The following RNF144A variants were observed in gnomAD, a reference collection of about 807,000 sequenced individuals.
RNF144A encodes E3 ubiquitin-protein ligase RNF144A.
RNF144A carries 11 observed loss-of-function variants against 38.7 expected under a neutral mutation model. The observed-to-expected ratio is 0.28, with a 90% confidence interval of 0.18 to 0.47. The LOEUF (loss-of-function observed/expected upper bound fraction) is 0.47, where lower values mean the gene tolerates loss of function less well. RNF144A is among the 20% of genes least tolerant of loss of function. The pLI is 0.99. For missense variants in RNF144A, 316 were observed against 377.2 expected, an observed-to-expected ratio of 0.84 and a Z score of 1.34; for synonymous variants, 149 against 143.9, an observed-to-expected ratio of 1.04 and a Z score of -0.25.
rs901027835 is a variant in RNF144A at position 7,044,015 on chromosome 2, G to A, written c.*4255G>A. 4 of 985,576 alleles carry A rather than the reference G, an allele frequency of 4.1e-6. No homozygotes were observed. The African/African-American group carries it at 7.0e-5, about 17-fold the overall frequency. 61.1% of individuals were successfully genotyped at this position (985,576 alleles called of 1,614,324 possible). On this transcript the variant is annotated 3_prime_UTR_variant, in exon 9 of 9. Coordinates refer to ENST00000320892, the MANE Select transcript of RNF144A (RefSeq NM_014746.6). ...TGATGTATAAAAGAGCTGTTTGAAT[G>A]CCTTTTAATGTTGTGTTTTGTACTC...
chr2:6,939,830 G>A (rs949214730), intron 1 of RNF144A, among the ~76,000 whole-genome samples: 2 of 151,472 alleles, frequency 1.3e-5, no homozygotes, highest in African/African-American at 4.8e-5. Context: ...CCATTGAAAT[G>A]TCATGATACT....
At chr2:6,995,668 C>T (rs1669689182) in intron 2 of RNF144A, among the ~76,000 whole-genome samples, 2 of 152,218 alleles carry the variant, frequency 1.3e-5, no homozygotes, top group African/African-American at 4.8e-5. Flanking sequence ...TTCAGCCAGT[C>T]CAGTCTTTCC....
At position 7,044,024 on chromosome 2, in the gene RNF144A, T is replaced by C. The variant is rs1457583532; in HGVS notation, c.*4264T>C. 2 of 985,688 alleles carry C rather than the reference T, an allele frequency of 2.0e-6. No homozygotes were observed. Among genetic ancestry groups the C allele is most frequent in the Admixed American group, 1.2e-4 (2 of 16,276 alleles). 61.1% of individuals were successfully genotyped at this position (985,688 alleles called of 1,614,324 possible). A position where few individuals can be genotyped will look rare whatever the true frequency, so the allele number is the denominator to read the frequency against. On this transcript the variant is annotated 3_prime_UTR_variant, in exon 9 of 9. Transcript: ENST00000320892. ...AAAGAGCTGTTTGAATGCCTTTTAA[T>C]GTTGTGTTTTGTACTCTGGAATCAT...
chr2:6,949,134 G>A (rs1186544868), intron 2 of RNF144A, among the ~76,000 whole-genome samples: 1 of 152,176 alleles, frequency 6.6e-6, no homozygotes, highest in Non-Finnish European at 1.5e-5. Context: ...GCCCAAGAGA[G>A]TGTAATATTA....
intron 8 of RNF144A, among the ~76,000 whole-genome samples, chr2:7,039,402 G>A (rs950012673): frequency 4.2e-4 from 64 of 151,576 alleles, no homozygotes; most frequent in Admixed American, 8.5e-4. Flanking sequence ...TAGATGGATG[G>A]ATGGATAGAT....
At chr2:6,937,295 G>A (rs1665655142) in intron 1 of RNF144A, among the ~76,000 whole-genome samples, 1 of 152,226 alleles carries the variant, frequency 6.6e-6, no homozygotes, top group African/African-American at 2.4e-5. Context: ...AGAAAATGCG[G>A]ATGCCAGTCA....
At chr2:6,919,876 G>T (rs1187947108) in intron 1 of RNF144A, among the ~76,000 whole-genome samples, 1 of 152,204 alleles carries the variant, frequency 6.6e-6, no homozygotes, top group Non-Finnish European at 1.5e-5. Flanking sequence ...GCACCCCCAG[G>T]TCATCTGTGC....
chr2:7,026,927 A>T (rs1033338527), intron 7 of RNF144A, among the ~76,000 whole-genome samples: 1 of 152,206 alleles, frequency 6.6e-6, no homozygotes, highest in Non-Finnish European at 1.5e-5. Context: ...TTCTTTGTAC[A>T]TGAAGAAAAA....
chr2:7,074,790 A>G, the RNF144A span: 2 of 153,986 alleles, frequency 1.3e-5, no homozygotes, highest in South Asian at 2.1e-4. Context: ...GAAGGAAGGA[A>G]GGAAAAAAGG....
In RNF144A at chr2:7,041,670, CTGCCCTTTAACA is replaced by C. The variant is rs1673052341; in HGVS notation, c.*1916_*1927del. 1.0e-6 allele frequency: 1 copy of C among 985,418 alleles called. No homozygotes were observed. The highest frequency in any genetic ancestry group is 1.7e-5 in the African/African-American group (1 of 57,242). The allele number at this position is 985,418 out of a possible 1,614,324, so 61.0% of individuals were successfully genotyped here. A position where few individuals can be genotyped will look rare whatever the true frequency, so the allele number is the denominator to read the frequency against. On this transcript the variant is annotated 3_prime_UTR_variant, in exon 9 of 9. Transcript: ENST00000320892. The stretch of plus-strand genomic sequence containing the variant: ...ATATGTGGATGCAGCTGTCCAGCCA[CTGCCCTTTAACA>C]TGCCCAGCACACATGGGAGGCCTGT...
intron 2 of RNF144A, among the ~76,000 whole-genome samples, chr2:6,970,838 T>TG (rs1369611438): frequency 6.6e-6 from 1 of 152,216 alleles, no homozygotes; most frequent in Non-Finnish European, 1.5e-5. Flanking sequence ...TCCAGTGGCC[T>TG]AGTCCTTCCT....
rs570761772 is a variant in RNF144A at position 6,987,316 on chromosome 2, G to A, written c.-11-9600G>A. On this transcript the variant is annotated intron_variant, in intron 2 of 8. Coordinates refer to ENST00000320892, the MANE Select transcript of RNF144A (RefSeq NM_014746.6). ...AAGGAGGCGTCTCGGGGCCACACCC[G>A]GGGCAGTGTTGGATGCTTCTCTAAG... Among the ~76,000 whole-genome samples the A allele has an allele frequency of 3.9e-5, 6 of 152,284 alleles. No individual in the cohort carries two copies. The South Asian group carries it at 6.2e-4, about 16-fold the overall frequency.
intron 6 of RNF144A, among the ~76,000 whole-genome samples, chr2:7,060,293 C>T (rs1359724481): frequency 1.3e-5 from 2 of 151,300 alleles, no homozygotes; most frequent in Non-Finnish European, 2.9e-5. Flanking sequence ...TCTAAGGTTT[C>T]CAGATGGATT....
chr2:7,027,958 T>C (rs1672024492), intron 7 of RNF144A, among the ~76,000 whole-genome samples: 1 of 124,478 alleles, frequency 8.0e-6, no homozygotes, highest in Non-Finnish European at 1.6e-5. Context: ...TTGGACCCCA[T>C]GCGGGTCTGG....
At chr2:7,024,568 T>C (rs1671753390) in intron 7 of RNF144A, 52 bp downstream of exon 7, 3 of 1,564,738 alleles carry the variant, frequency 1.9e-6, no homozygotes, top group Non-Finnish European at 1.7e-6. Flanking sequence ...GAGGTTTAGA[T>C]TTGGAATGAG....
chr2:7,023,818 A>G (rs984991162), intron 6 of RNF144A, among the ~76,000 whole-genome samples: 1 of 152,256 alleles, frequency 6.6e-6, no homozygotes, highest in Non-Finnish European at 1.5e-5. Context: ...ACCTCAGCTT[A>G]AAGCCCTTCT....
At position 7,043,240 on chromosome 2, in the gene RNF144A, T is replaced by A. The variant is rs1036467727; in HGVS notation, c.*3480T>A. On this transcript the variant is annotated 3_prime_UTR_variant, in exon 9 of 9. Coordinates refer to ENST00000320892, the MANE Select transcript of RNF144A (RefSeq NM_014746.6). ...AAAACCAGTTTAGGGCACAGGCCAG[T>A]TCCTGATTAGAACACAGGACCTGTG... is the stretch of plus-strand genomic sequence containing the variant. The A allele has an allele frequency of 2.0e-5, 20 of 984,976 alleles. No individual in the cohort carries two copies. The highest frequency in any genetic ancestry group is 1.2e-4 in the Admixed American group (2 of 16,270). The allele number at this position is 984,976 out of a possible 1,614,324, so 61.0% of individuals were successfully genotyped here.
chr2:6,950,027 T>G (rs1666580306), intron 2 of RNF144A, among the ~76,000 whole-genome samples: 1 of 152,154 alleles, frequency 6.6e-6, no homozygotes, highest in Admixed American at 6.5e-5. Flanking sequence ...CAGAACAGGA[T>G]TCTGCCATAT....
intron 2 of RNF144A, among the ~76,000 whole-genome samples, chr2:6,981,392 CTG>C (rs1203231706): frequency 2.6e-5 from 4 of 151,978 alleles, no homozygotes; most frequent in African/African-American, 9.7e-5. Flanking sequence ...ATGCATGTAA[CTG>C]TGTGCTTTCA....
Sources: allele counts gnomAD v4.1 joint callset (sites outside exome capture counted in the v4.1 genomes callset), GRCh38; gene constraint gnomAD v4.1.1; transcripts MANE v1.5; gene names NCBI Gene and HGNC (gene_info 2026-07-23, HGNC 2026-07-21).